The following TASP1 variants were observed in gnomAD, a reference collection of about 807,000 sequenced individuals.
The protein encoded by TASP1 is threonine aspartase 1.
TASP1 carries 16 observed loss-of-function variants against 56.6 expected under a neutral mutation model. The ratio of observed to expected loss-of-function variants is 0.28; its 90% CI spans 0.19 to 0.43. The LOEUF is 0.43. Among genes scored for constraint, TASP1 ranks in the 20% least tolerant of loss-of-function variants. The pLI, the probability that TASP1 is intolerant of heterozygous loss-of-function variation, is 1.00. For synonymous variants in TASP1, 179 were observed against 184.2 expected (o/e 0.97, Z 0.23); for missense variants, 393 against 511.6 (o/e 0.77, Z 2.24).
At chr20:13,209,633 G>A in the TASP1 span, among the ~76,000 whole-genome samples, 10 of 152,008 alleles carry the variant, frequency 6.6e-5, no homozygotes, top group African/African-American at 1.2e-4. Context: ...TGACACCCCC[G>A]TGGATTTATT....
intron 10 of TASP1, among the ~76,000 whole-genome samples, chr20:13,506,764 A>T (rs2044147715): frequency 6.6e-6 from 1 of 152,076 alleles, no homozygotes; most frequent in Non-Finnish European, 1.5e-5. Flanking sequence ...AAAGACCTCA[A>T]CTTCAATGGT....
At chr20:13,106,864 C>T in the TASP1 span, among the ~76,000 whole-genome samples, 1 of 152,212 alleles carries the variant, frequency 6.6e-6, no homozygotes, top group African/African-American at 2.4e-5. Flanking sequence ...AGCAAACTGT[C>T]TCTTCTCTGT....
chr20:13,546,880 AC>A (rs1229325089), intron 8 of TASP1, among the ~76,000 whole-genome samples: 1 of 152,196 alleles, frequency 6.6e-6, no homozygotes, highest in Non-Finnish European at 1.5e-5. Flanking sequence ...ATTTGGTAAT[AC>A]TTCAGATAAC....
chr20:13,430,283 C>T (rs1195023306), intron 12 of TASP1, among the ~76,000 whole-genome samples: 1 of 152,182 alleles, frequency 6.6e-6, no homozygotes, highest in Non-Finnish European at 1.5e-5. Flanking sequence ...TGGTTTAAGA[C>T]AGCAAACACT....
At chr20:13,203,202 A>C in the TASP1 span, among the ~76,000 whole-genome samples, 3,497 of 152,320 alleles carry the variant, frequency 0.023, 74 homozygotes, top group Non-Finnish European at 0.034. Flanking sequence ...GCCAGTCACT[A>C]TTCTAGATTC....
chr20:13,497,384 T>C (rs1211576231), intron 10 of TASP1, among the ~76,000 whole-genome samples: 2 of 152,100 alleles, frequency 1.3e-5, no homozygotes, highest in Non-Finnish European at 2.9e-5. Context: ...TCCACCAAAG[T>C]GTGAGACCAG....
chr20:13,224,311 C>T, the TASP1 span, among the ~76,000 whole-genome samples: 1 of 152,180 alleles, frequency 6.6e-6, no homozygotes, highest in African/African-American at 2.4e-5. Flanking sequence ...CTCTGACTCT[C>T]TGAAGGTATT....
At chr20:13,450,460 A>G (rs1343014351) in intron 11 of TASP1, among the ~76,000 whole-genome samples, 1 of 152,152 alleles carries the variant, frequency 6.6e-6, no homozygotes, top group Non-Finnish European at 1.5e-5. Flanking sequence ...CAAACCTTGA[A>G]GTTGCTTTAT....
At chr20:13,608,137 C>A (rs2048225386) in intron 4 of TASP1, among the ~76,000 whole-genome samples, 1 of 152,130 alleles carries the variant, frequency 6.6e-6, no homozygotes, top group Admixed American at 6.5e-5. Flanking sequence ...TCATTATACT[C>A]TTTTTCAAAC....
the TASP1 span, among the ~76,000 whole-genome samples, chr20:13,340,270 T>C: frequency 6.6e-6 from 1 of 152,248 alleles, no homozygotes; most frequent in East Asian, 1.9e-4. Flanking sequence ...ACAGCCAATA[T>C]ATTAAGGATG....
the TASP1 span, among the ~76,000 whole-genome samples, chr20:13,156,935 C>T: frequency 6.6e-6 from 1 of 152,184 alleles, no homozygotes; most frequent in African/African-American, 2.4e-5. Flanking sequence ...TCCTGCTACA[C>T]TCTGCTTCCA....
intron 11 of TASP1, among the ~76,000 whole-genome samples, chr20:13,464,290 TCA>T (rs953230244): frequency 1.3e-5 from 2 of 152,052 alleles, no homozygotes; most frequent in Non-Finnish European, 2.9e-5. Flanking sequence ...CACAGAAAAC[TCA>T]CAGAGGAAAG....
At chr20:13,235,782 G>A in the TASP1 span, among the ~76,000 whole-genome samples, 9 of 152,090 alleles carry the variant, frequency 5.9e-5, no homozygotes, top group African/African-American at 2.2e-4. Context: ...CATCACTCAC[G>A]GGGCTTGGAC....
the TASP1 span, chr20:13,165,625 T>C: frequency 6.6e-6 from 1 of 152,222 alleles, no homozygotes; most frequent in East Asian, 1.9e-4. Context: ...AGGTCTAGAC[T>C]AAAATGGTAG....
chr20:13,141,180 T>C, the TASP1 span, among the ~76,000 whole-genome samples: 13 of 152,244 alleles, frequency 8.5e-5, no homozygotes, highest in African/African-American at 3.1e-4. Context: ...ATTTTTGACA[T>C]GAGATACATT....
the TASP1 span, among the ~76,000 whole-genome samples, chr20:13,226,940 T>C: frequency 6.6e-6 from 1 of 152,180 alleles, no homozygotes; most frequent in Non-Finnish European, 1.5e-5. Flanking sequence ...GGAGGAATCA[T>C]AGGCATCTTT....
chr20:13,167,641 T>C, the TASP1 span: 1 of 152,212 alleles, frequency 6.6e-6, no homozygotes, highest in South Asian at 2.1e-4. Flanking sequence ...ATAGACTTAT[T>C]CCTAATCTCA....
At chr20:13,506,122 T>C (rs746977494) in intron 10 of TASP1, among the ~76,000 whole-genome samples, 2 of 152,166 alleles carry the variant, frequency 1.3e-5, no homozygotes, top group Non-Finnish European at 2.9e-5. Flanking sequence ...TGAACAATTA[T>C]ATGCTAACAA....
chr20:13,208,392 T>C, the TASP1 span, among the ~76,000 whole-genome samples: 1 of 152,214 alleles, frequency 6.6e-6, no homozygotes. Context: ...TGAAATTTGT[T>C]TAATGCTTTT....
Sources: gnomAD v4.1 joint callset for allele counts (sites outside exome capture counted in the v4.1 genomes callset) on GRCh38, gnomAD v4.1.1 for gene constraint, MANE v1.5 for transcripts, NCBI Gene and HGNC (gene_info 2026-07-23, HGNC 2026-07-21) for gene names.